Variants in DMD observed in about 807,000 individuals in gnomAD.
DMD encodes dystrophin.
DMD carries 63 observed loss-of-function variants against 330.1 expected under a neutral mutation model. The ratio of observed to expected loss-of-function variants is 0.19; its 90% CI spans 0.16 to 0.24. The LOEUF is 0.24. DMD is among the 10% of genes least tolerant of loss of function. The pLI is 1.00. For synonymous variants in DMD, 1,223 were observed against 959.8 expected (o/e 1.27, Z -5.07); for missense variants, 3,344 against 2,684.1 (o/e 1.25, Z -5.43).
At chrX:31,998,272 C>T (rs770019099) in intron 44 of DMD, among the ~76,000 whole-genome samples, 30 of 111,617 alleles carry the variant, frequency 2.7e-4, no homozygotes, top group Non-Finnish European at 4.5e-4. Flanking sequence ...TTTAGAAATA[C>T]GGTCAAAGTT....
intron 21 of DMD, among the ~76,000 whole-genome samples, chrX:32,475,765 A>G (rs1292529102): frequency 2.7e-5 from 3 of 110,950 alleles, no homozygotes; most frequent in African/African-American, 9.8e-5. Flanking sequence ...TATCAGTTCT[A>G]GAAACTTTCT....
At chrX:32,026,058 A>G (rs1216712850) in intron 44 of DMD, among the ~76,000 whole-genome samples, 1 of 112,300 alleles carries the variant, frequency 8.9e-6, no homozygotes, top group Non-Finnish European at 1.9e-5. Context: ...AGCATTTGAG[A>G]TAAGGCACAT....
chrX:32,542,407 G>C (rs2048570648), intron 17 of DMD, among the ~76,000 whole-genome samples: 1 of 111,965 alleles, frequency 8.9e-6, no homozygotes, highest in African/African-American at 3.2e-5. Context: ...ACTCCAGCCT[G>C]GGTGACAGAG....
At chrX:32,381,950 C>T (rs1293930487) in intron 33 of DMD, among the ~76,000 whole-genome samples, 1 of 110,729 alleles carries the variant, frequency 9.0e-6, no homozygotes, top group Non-Finnish European at 1.9e-5. Flanking sequence ...CAGAACACCT[C>T]ATTTTTCTCA....
intron 7 of DMD, among the ~76,000 whole-genome samples, chrX:32,709,910 G>T (rs758727367): frequency 9.0e-6 from 1 of 111,494 alleles, no homozygotes; most frequent in South Asian, 3.7e-4. Context: ...TAGGTACTCA[G>T]TATTTGTTAA....
chrX:33,163,608 CTATA>C (rs1208499846), intron 1 of DMD, among the ~76,000 whole-genome samples: 1 of 85,316 alleles, frequency 1.2e-5, no homozygotes, highest in Non-Finnish European at 2.1e-5. Flanking sequence ...CTATATATAT[CTATA>C]TCTATCTCTA....
At chrX:31,790,091 T>C (rs924333001) in intron 50 of DMD, among the ~76,000 whole-genome samples, 1 of 112,247 alleles carries the variant, frequency 8.9e-6, no homozygotes, top group African/African-American at 3.2e-5. Flanking sequence ...TAACTATTTC[T>C]ACTTAAAAAT....
At chrX:31,624,825 T>C (rs1307698263) in intron 55 of DMD, among the ~76,000 whole-genome samples, 1 of 112,294 alleles carries the variant, frequency 8.9e-6, no homozygotes, top group East Asian at 2.8e-4. Context: ...CTACATATTA[T>C]AGAAAATTCC....
chrX:32,665,014 G>A (rs945250141), intron 9 of DMD, among the ~76,000 whole-genome samples: 4 of 111,830 alleles, frequency 3.6e-5, no homozygotes, highest in Non-Finnish European at 7.5e-5. Flanking sequence ...AGAGGGGAAA[G>A]TAAATGCATG....
intron 43 of DMD, among the ~76,000 whole-genome samples, chrX:32,275,425 T>C (rs1359526741): frequency 1.8e-5 from 2 of 111,964 alleles, no homozygotes; most frequent in Non-Finnish European, 3.8e-5. Flanking sequence ...GGGCATTATA[T>C]ATACAAGCAA....
chrX:32,780,507 T>C (rs1293037112), intron 7 of DMD, among the ~76,000 whole-genome samples: 1 of 112,082 alleles, frequency 8.9e-6, no homozygotes, highest in Non-Finnish European at 1.9e-5. Flanking sequence ...TTTTTGAAAT[T>C]ACCTTCACCA....
chrX:32,762,993 G>A (rs1002189173), intron 7 of DMD, among the ~76,000 whole-genome samples: 1 of 111,694 alleles, frequency 9.0e-6, no homozygotes, highest in Admixed American at 9.5e-5. Context: ...CAATTAAAAT[G>A]TAACATAATT....
chrX:31,760,468 G>C (rs961950440), intron 51 of DMD, among the ~76,000 whole-genome samples: 1 of 111,789 alleles, frequency 8.9e-6, no homozygotes, highest in South Asian at 3.7e-4. Flanking sequence ...TCTATGTTTA[G>C]ATGTGATTAG....
At chrX:32,734,276 C>T (rs372580074) in intron 7 of DMD, among the ~76,000 whole-genome samples, 55 of 96,371 alleles carry the variant, frequency 5.7e-4, no homozygotes, top group African/African-American at 2.3e-3. Flanking sequence ...TAATCAATAG[C>T]TTACCAACCA....
At chrX:32,483,089 A>G (rs2042056349) in intron 21 of DMD, among the ~76,000 whole-genome samples, 1 of 97,004 alleles carries the variant, frequency 1.0e-5, no homozygotes, top group Non-Finnish European at 2.1e-5. Context: ...TATTTGAATT[A>G]ATTTCAAATT....
chrX:32,420,497 C>A (rs1424284056), intron 29 of DMD, among the ~76,000 whole-genome samples: 1 of 112,007 alleles, frequency 8.9e-6, no homozygotes, highest in Non-Finnish European at 1.9e-5. Context: ...AGAGAGCATA[C>A]TGAGGCCAAT....
intron 45 of DMD, among the ~76,000 whole-genome samples, chrX:31,964,190 C>T (rs969543800): frequency 1.6e-4 from 18 of 111,506 alleles, no homozygotes; most frequent in African/African-American, 5.9e-4. Flanking sequence ...CAAGTTAAAT[C>T]ATCCCATCAG....
At chrX:32,651,152 G>GT (rs948375960) in intron 9 of DMD, among the ~76,000 whole-genome samples, 36 of 107,129 alleles carry the variant, frequency 3.4e-4, no homozygotes, top group Admixed American at 2.4e-3. Context: ...TTTTTTTTCT[G>GT]TTTTTTTGAG....
chrX:32,637,288 C>A (rs899750271), intron 11 of DMD, among the ~76,000 whole-genome samples: 13 of 112,192 alleles, frequency 1.2e-4, no homozygotes, highest in African/African-American at 3.9e-4. Flanking sequence ...GTGCCTGGCA[C>A]ATACTACACA....
Sources: allele counts gnomAD v4.1 joint callset (sites outside exome capture counted in the v4.1 genomes callset), GRCh38; gene constraint gnomAD v4.1.1; transcripts MANE v1.5; gene names NCBI Gene and HGNC (gene_info 2026-07-23, HGNC 2026-07-21).